The following SYN3 variants were observed in gnomAD, a reference collection of about 807,000 sequenced individuals.
The protein encoded by SYN3 is synapsin III.
In SYN3, 35 loss-of-function variants were observed where a neutral mutation model predicts 65.8. That is an observed-to-expected ratio of 0.53 (90% CI 0.41 to 0.70). SYN3 has a LOEUF of 0.70. Ranked by LOEUF, SYN3 falls within the 30% of genes least tolerant of loss-of-function variation. The pLI is 0.00. For synonymous variants in SYN3, 270 were observed against 292.9 expected, an observed-to-expected ratio of 0.92 and a Z score of 0.80; for missense variants, 680 against 749.0, an observed-to-expected ratio of 0.91 and a Z score of 1.08.
chr22:32,585,960 A>ATG (rs2059022917), intron 7 of SYN3, among the ~76,000 whole-genome samples: 1 of 34,672 alleles, frequency 2.9e-5, no homozygotes, highest in Admixed American at 4.3e-4. Flanking sequence ...ATATATGTGT[A>ATG]TATACGTATA....
chr22:32,889,781 A>G (rs1413207244), intron 4 of SYN3, among the ~76,000 whole-genome samples: 2 of 152,092 alleles, frequency 1.3e-5, no homozygotes, highest in East Asian at 1.9e-4. Flanking sequence ...TAAAAAATAT[A>G]TTACAAAGAC....
At chr22:32,888,507 C>T (rs1398108936) in intron 4 of SYN3, among the ~76,000 whole-genome samples, 4 of 152,164 alleles carry the variant, frequency 2.6e-5, no homozygotes, top group South Asian at 2.1e-4. Flanking sequence ...CTGACAGATT[C>T]GACTGTCAGT....
In SYN3 at chr22:33,052,108, T is replaced by C. The variant is rs145237011; in HGVS notation, c.-163+6184A>G. On this transcript the variant is annotated intron_variant, in intron 1 of 13. Transcript: ENST00000358763. Reference sequence around the variant, plus strand: ...ATCCTGCCCAAGCTCATATCACAAGTCAGCGGCAGCCACTGGCTTGAGCTT... The same window carrying C: ...ATCCTGCCCAAGCTCATATCACAAGCCAGCGGCAGCCACTGGCTTGAGCTT... Among the ~76,000 whole-genome samples, 429 of 152,162 alleles carry C rather than the reference T, an allele frequency of 2.8e-3. 3 individuals are homozygous for C. Among genetic ancestry groups the C allele is most frequent in the African/African-American group, 0.01 (416 of 41,520 alleles).
In SYN3 at chr22:32,931,420, T is replaced by C. The variant is rs1332640669; in HGVS notation, c.431A>G (p.Gln144Arg). The change falls in exon 4 of 14, where the codon CAG becomes CGG. Residue 144 changes from glutamine (Q) to arginine (R), a missense_variant. Gln to Arg is a conservative substitution (Grantham distance 43). Transcript: ENST00000358763. ...CACTTTGGTCCCATTTCTCACGACC[T>C]GCATGTCCACCATGCAGCCCCCGGT... ...YVTGGCMVDM[Q>R]VVRNGTKVVS... 6.2e-7 allele frequency: 1 copy of C among 1,613,824 alleles called. No homozygotes were observed.
chr22:32,649,338 C>T (rs141730370), intron 6 of SYN3, among the ~76,000 whole-genome samples: 7 of 152,208 alleles, frequency 4.6e-5, no homozygotes, highest in African/African-American at 4.8e-5. Flanking sequence ...TTTTTTAAGC[C>T]GCCGAGCTTT....
intron 6 of SYN3, among the ~76,000 whole-genome samples, chr22:32,732,601 C>T (rs1361529847): frequency 1.3e-5 from 2 of 152,318 alleles, no homozygotes; most frequent in African/African-American, 2.4e-5. Flanking sequence ...GTCATTCAAT[C>T]TCCCTGGACA....
intron 6 of SYN3, among the ~76,000 whole-genome samples, chr22:32,642,501 C>T (rs1449144564): frequency 3.3e-5 from 5 of 151,100 alleles, no homozygotes; most frequent in African/African-American, 9.7e-5. Context: ...AGTGCAGTGG[C>T]GCAATCGCGG....
At chr22:32,585,879 T>C (rs187900580) in intron 7 of SYN3, among the ~76,000 whole-genome samples, 32 of 150,166 alleles carry the variant, frequency 2.1e-4, no homozygotes, top group African/African-American at 7.1e-4. Flanking sequence ...TATATAGACA[T>C]ATATACGTAT....
intron 1 of SYN3, among the ~76,000 whole-genome samples, chr22:33,034,491 C>T (rs2053816858): frequency 6.6e-6 from 1 of 151,952 alleles, no homozygotes; most frequent in South Asian, 2.1e-4. Flanking sequence ...TGTGATCTGC[C>T]CACCTCGGCC....
At chr22:32,797,951 G>A (rs2046469118) in intron 6 of SYN3, among the ~76,000 whole-genome samples, 1 of 152,222 alleles carries the variant, frequency 6.6e-6, no homozygotes, top group African/African-American at 2.4e-5. Context: ...ACTTGACCAA[G>A]GCAGGTGCAC....
chr22:32,977,812 A>G (rs1446292908), intron 3 of SYN3, among the ~76,000 whole-genome samples: 1 of 151,902 alleles, frequency 6.6e-6, no homozygotes, highest in Admixed American at 6.6e-5. Flanking sequence ...AATCTGTAGA[A>G]TCTATCAGTT....
chr22:32,966,537 T>C (rs73162029), intron 3 of SYN3, among the ~76,000 whole-genome samples: 29,221 of 152,142 alleles, frequency 0.19, 3,409 homozygotes, highest in Non-Finnish European at 0.26. Context: ...CAGCCCTTTA[T>C]GCATGAGAGG....
chr22:32,591,016 A>G (rs534963916), intron 7 of SYN3, among the ~76,000 whole-genome samples: 3 of 152,344 alleles, frequency 2.0e-5, no homozygotes, highest in Admixed American at 2.0e-4. Flanking sequence ...GCACTGAGCT[A>G]TGTGCTTGAC....
At chr22:32,619,689 C>T (rs1467271697) in intron 6 of SYN3, among the ~76,000 whole-genome samples, 1 of 152,172 alleles carries the variant, frequency 6.6e-6, no homozygotes, top group African/African-American at 2.4e-5. Flanking sequence ...CTATGCAGTT[C>T]CTTCCACCAA....
intron 6 of SYN3, among the ~76,000 whole-genome samples, chr22:32,788,009 C>G (rs2046235543): frequency 6.6e-6 from 1 of 152,148 alleles, no homozygotes; most frequent in African/African-American, 2.4e-5. Context: ...ACAGCCACAG[C>G]AGGGGCAATG....
At chr22:32,807,293 G>GATAT (rs5845033) in intron 6 of SYN3, among the ~76,000 whole-genome samples, 4 of 124,798 alleles carry the variant, frequency 3.2e-5, no homozygotes, top group Admixed American at 2.0e-4. Context: ...TGGTTTGGAG[G>GATAT]ATATATATAT....
intron 6 of SYN3, among the ~76,000 whole-genome samples, chr22:32,689,544 G>C (rs1461723211): frequency 6.6e-6 from 1 of 152,174 alleles, no homozygotes; most frequent in African/African-American, 2.4e-5. Context: ...CTCCTGGGGA[G>C]GCACAAATAG....
At chr22:32,529,403 A>G (rs2058034213) in intron 10 of SYN3, among the ~76,000 whole-genome samples, 1 of 152,148 alleles carries the variant, frequency 6.6e-6, no homozygotes, top group East Asian at 1.9e-4. Flanking sequence ...CACAAAGCAG[A>G]AACAGTAAAG....
intron 9 of SYN3, among the ~76,000 whole-genome samples, chr22:32,535,879 C>T (rs981250114): frequency 2.6e-5 from 4 of 152,154 alleles, no homozygotes; most frequent in South Asian, 2.1e-4. Flanking sequence ...GGCAAGCAGG[C>T]GAGCCAGTGG....
Sources: gnomAD v4.1 joint callset for allele counts (sites outside exome capture counted in the v4.1 genomes callset) on GRCh38, gnomAD v4.1.1 for gene constraint, MANE v1.5 for transcripts, NCBI Gene and HGNC (gene_info 2026-07-23, HGNC 2026-07-21) for gene names.